The following PLXNA4 variants were observed in gnomAD, a reference collection of about 807,000 sequenced individuals.
The protein encoded by PLXNA4 is plexin-A4.
PLXNA4 carries 44 observed loss-of-function variants against 191.8 expected under a neutral mutation model. That is an observed-to-expected ratio of 0.23 (90% CI 0.18 to 0.29). PLXNA4 has a LOEUF of 0.29. Ranked by LOEUF, PLXNA4 falls within the 10% of genes least tolerant of loss-of-function variation. PLXNA4 has a pLI of 1.00. For synonymous variants in PLXNA4, 1,082 were observed against 1,009.5 expected (o/e 1.07, Z -1.36); for missense variants, 1,800 against 2,488.8 (o/e 0.72, Z 5.89).
intron 2 of PLXNA4, among the ~76,000 whole-genome samples, chr7:132,585,929 T>C (rs1186064880): frequency 1.3e-5 from 2 of 152,228 alleles, no homozygotes; most frequent in South Asian, 2.1e-4. Flanking sequence ...ATTTAGTCCA[T>C]AGCAATCACG....
chr7:132,235,252 T>C (rs1252251381), intron 5 of PLXNA4, among the ~76,000 whole-genome samples: 1 of 152,224 alleles, frequency 6.6e-6, no homozygotes, highest in Non-Finnish European at 1.5e-5. Context: ...ACCTGCTGCA[T>C]TGTAGGCCCA....
chr7:132,631,964 G>T (rs938386412), intron 2 of PLXNA4, among the ~76,000 whole-genome samples: 1 of 152,226 alleles, frequency 6.6e-6, no homozygotes, highest in Admixed American at 6.5e-5. Flanking sequence ...ATCGGGCATA[G>T]TGGCTCATGC....
chr7:132,498,613 T>A (rs4728257), intron 2 of PLXNA4, among the ~76,000 whole-genome samples: 1 of 152,158 alleles, frequency 6.6e-6, no homozygotes, highest in East Asian at 1.9e-4. Context: ...CATGAGAGTA[T>A]GCATGGGAAA....
intron 3 of PLXNA4, among the ~76,000 whole-genome samples, chr7:132,325,681 G>T (rs1802330025): frequency 6.6e-6 from 1 of 152,150 alleles, no homozygotes; most frequent in African/African-American, 2.4e-5. Context: ...GAGCCTCAAG[G>T]AGTGTGGCCC....
intron 2 of PLXNA4, among the ~76,000 whole-genome samples, chr7:132,625,308 A>AG (rs1803349596): frequency 6.6e-6 from 1 of 152,160 alleles, no homozygotes; most frequent in South Asian, 2.1e-4. Context: ...AGAATTATGA[A>AG]GGTCAAGGGA....
intron 5 of PLXNA4, among the ~76,000 whole-genome samples, chr7:132,239,488 G>A (rs1391650044): frequency 6.6e-6 from 1 of 152,144 alleles, no homozygotes; most frequent in Non-Finnish European, 1.5e-5. Context: ...AAAGCCCCAT[G>A]CCAGGATCGC....
At chr7:132,213,237 G>C (rs1458155288) in intron 9 of PLXNA4, among the ~76,000 whole-genome samples, 1 of 152,332 alleles carries the variant, frequency 6.6e-6, no homozygotes, top group East Asian at 1.9e-4. Context: ...TGATGTCTAA[G>C]GGGAGGCAGG....
chr7:132,365,655 T>C (rs142899889), intron 3 of PLXNA4, among the ~76,000 whole-genome samples: 1 of 152,256 alleles, frequency 6.6e-6, no homozygotes, highest in African/African-American at 2.4e-5. Context: ...GGGCTCCTGA[T>C]ACCCAGGGCA....
At chr7:132,625,462 G>A (rs1379481435) in intron 2 of PLXNA4, among the ~76,000 whole-genome samples, 1 of 152,096 alleles carries the variant, frequency 6.6e-6, no homozygotes, top group African/African-American at 2.4e-5. Flanking sequence ...CTCTCTCTAG[G>A]TACTATCTTT....
intron 16 of PLXNA4, among the ~76,000 whole-genome samples, chr7:132,183,117 C>T (rs773594573): frequency 2.0e-5 from 3 of 152,216 alleles, no homozygotes; most frequent in Non-Finnish European, 4.4e-5. Context: ...GAATCCTTGA[C>T]ACACACACCC....
At chr7:132,570,380 G>A (rs533615883) in intron 1 of PLXNA4, among the ~76,000 whole-genome samples, 24 of 152,196 alleles carry the variant, frequency 1.6e-4, no homozygotes, top group African/African-American at 4.1e-4. Context: ...CTCTAACCCC[G>A]CCACAAGAAC....
intron 3 of PLXNA4, among the ~76,000 whole-genome samples, chr7:132,441,804 G>A (rs557112958): frequency 6.6e-5 from 10 of 152,292 alleles, no homozygotes; most frequent in South Asian, 2.1e-4. Flanking sequence ...CTCACAAACA[G>A]TGATTTGCCC....
At chr7:132,179,948 C>A (rs774241670) in intron 19 of PLXNA4, 27 bp from the exon 20 acceptor site, 3 of 1,583,498 alleles carry the variant, frequency 1.9e-6, no homozygotes, top group South Asian at 1.1e-5. Context: ...CAAGAGGGAG[C>A]TGGGTGTGGG....
intron 3 of PLXNA4, among the ~76,000 whole-genome samples, chr7:132,478,355 A>G (rs989937493): frequency 6.6e-6 from 1 of 152,212 alleles, no homozygotes. Context: ...TATGGTTATA[A>G]TTACATGCAA....
chr7:132,233,172 C>G (rs1040441991), intron 5 of PLXNA4, among the ~76,000 whole-genome samples: 6 of 152,196 alleles, frequency 3.9e-5, no homozygotes, highest in Admixed American at 3.9e-4. Context: ...TGCCTACTCA[C>G]CTAGGAGATT....
intron 3 of PLXNA4, among the ~76,000 whole-genome samples, chr7:132,350,368 T>A (rs1803430703): frequency 6.6e-6 from 1 of 152,058 alleles, no homozygotes; most frequent in South Asian, 2.1e-4. Flanking sequence ...TAGCTGAGCA[T>A]GGTGGTGCGC....
intron 3 of PLXNA4, among the ~76,000 whole-genome samples, chr7:132,442,020 G>C (rs1239798624): frequency 1.3e-5 from 2 of 152,200 alleles, no homozygotes; most frequent in Non-Finnish European, 2.9e-5. Context: ...CAGTTGATCA[G>C]AGTCAGGGGC....
At chr7:132,573,209 G>A (rs1802059148) in intron 1 of PLXNA4, among the ~76,000 whole-genome samples, 1 of 152,062 alleles carries the variant, frequency 6.6e-6, no homozygotes, top group Non-Finnish European at 1.5e-5. Context: ...AAGAAGAGAG[G>A]AGACGCTGGC....
chr7:132,563,259 TCTC>T (rs1465357374), intron 1 of PLXNA4, among the ~76,000 whole-genome samples: 29 of 70,838 alleles, frequency 4.1e-4, no homozygotes, highest in African/African-American at 1.5e-3. Context: ...TCCTACTCCT[TCTC>T]CTCTTCATCC....
Sources: allele counts gnomAD v4.1 joint callset (sites outside exome capture counted in the v4.1 genomes callset), GRCh38; gene constraint gnomAD v4.1.1; transcripts MANE v1.5; gene names NCBI Gene and HGNC (gene_info 2026-07-23, HGNC 2026-07-21).